The following NCKAP5 variants were observed in gnomAD, a reference collection of about 807,000 sequenced individuals.
NCKAP5 encodes nck-associated protein 5.
NCKAP5 carries 92 observed loss-of-function variants against 167.0 expected under a neutral mutation model. That is an observed-to-expected ratio of 0.55 (90% CI 0.47 to 0.66). The LOEUF is 0.66. NCKAP5 is among the 30% of genes least tolerant of loss of function. The pLI, the probability that NCKAP5 is intolerant of heterozygous loss-of-function variation, is 0.00. For synonymous variants in NCKAP5, 891 were observed against 877.4 expected (o/e 1.02, Z -0.27); for missense variants, 2,378 against 2,315.0 (o/e 1.03, Z -0.56).
At chr2:132,874,576 T>C (rs1248237212) in intron 9 of NCKAP5, among the ~76,000 whole-genome samples, 1 of 152,200 alleles carries the variant, frequency 6.6e-6, no homozygotes, top group Non-Finnish European at 1.5e-5. Context: ...TCTATTTTTG[T>C]CTATTTCTGA....
intron 5 of NCKAP5, among the ~76,000 whole-genome samples, chr2:133,189,297 C>T (rs1201515463): frequency 6.6e-6 from 1 of 151,074 alleles, no homozygotes; most frequent in Admixed American, 6.6e-5. Flanking sequence ...AATTAATAGC[C>T]TACCAACCAA....
intron 3 of NCKAP5, among the ~76,000 whole-genome samples, chr2:133,325,334 C>A (rs1682360180): frequency 6.6e-6 from 1 of 152,120 alleles, no homozygotes. Flanking sequence ...CTAGATGACT[C>A]CAGCTTATGA....
intron 16 of NCKAP5, among the ~76,000 whole-genome samples, chr2:132,770,783 G>C (rs892010087): frequency 6.6e-5 from 10 of 152,290 alleles, no homozygotes; most frequent in Admixed American, 6.5e-5. Flanking sequence ...AAAATGAAGT[G>C]TTGGCCAATG....
rs966527204 is a variant in NCKAP5 at position 132,979,734 on chromosome 2, C to G, written c.429+14418G>C. ...CTCTGCTGTCTCTCATCAGAGAACCCACAGACCAAAGGATACTCCCATTTA... is the reference window on the plus strand; with the variant it reads ...CTCTGCTGTCTCTCATCAGAGAACCGACAGACCAAAGGATACTCCCATTTA... On this transcript the variant is annotated intron_variant, in intron 7 of 19. Transcript: ENST00000409261. Among the ~76,000 whole-genome samples the G allele has an allele frequency of 1.3e-5, 2 of 152,182 alleles. 1 individual carries two copies. Among genetic ancestry groups the G allele is most frequent in the South Asian group, 4.1e-4 (2 of 4,836 alleles).
At chr2:132,692,526 C>CT (rs374718276) in intron 19 of NCKAP5, among the ~76,000 whole-genome samples, 29 of 149,498 alleles carry the variant, frequency 1.9e-4, no homozygotes, top group East Asian at 5.9e-4. Flanking sequence ...GGGACCTTGT[C>CT]TTTTTTTTTT....
chr2:133,236,039 T>A (rs965536785), intron 4 of NCKAP5, among the ~76,000 whole-genome samples: 1 of 128,428 alleles, frequency 7.8e-6, no homozygotes, highest in Admixed American at 9.0e-5. Context: ...GCCCTGCAAC[T>A]TGGGTGACAA....
intron 3 of NCKAP5, among the ~76,000 whole-genome samples, chr2:133,350,315 AG>A (rs1684275101): frequency 6.6e-6 from 1 of 152,230 alleles, no homozygotes; most frequent in Admixed American, 6.5e-5. Context: ...CAGGAAGCTG[AG>A]GTGGGAGGAT....
chr2:132,708,862 T>G (rs1211761325), intron 19 of NCKAP5, among the ~76,000 whole-genome samples: 8 of 152,166 alleles, frequency 5.3e-5, no homozygotes, highest in Non-Finnish European at 1.2e-4. Context: ...TTTTTTGGGT[T>G]GTATTTTGGC....
intron 19 of NCKAP5, among the ~76,000 whole-genome samples, chr2:132,725,155 T>C (rs925234714): frequency 1.3e-5 from 2 of 152,186 alleles, no homozygotes; most frequent in Admixed American, 6.5e-5. Context: ...CTACTGCCAA[T>C]TCTGGCTCAA....
At position 132,785,149 on chromosome 2, in the gene NCKAP5, C is replaced by A; in HGVS notation, c.1662G>T (p.Val554=). The stretch of plus-strand genomic sequence containing the variant: ...TCTCCCTCTGTACCTGAGGCGTCTG[C>A]ACACTTGGGCACAGCTTCATCTCTA... The part of the protein sequence containing the change: ...CPLEMKLCPS[V]QTPQVQRERG... Residue 554 remains valine, a synonymous_variant, in exon 14 of 20, where the codon GTG becomes GTT. Transcript: ENST00000409261. 6.2e-7 allele frequency: 1 copy of A among 1,605,096 alleles called. No homozygotes were observed. Among genetic ancestry groups the A allele is most frequent in the Non-Finnish European group, 8.5e-7 (1 of 1,176,898 alleles).
At chr2:133,529,058 G>C (rs966743188) in intron 2 of NCKAP5, among the ~76,000 whole-genome samples, 1 of 152,156 alleles carries the variant, frequency 6.6e-6, no homozygotes, top group East Asian at 1.9e-4. Flanking sequence ...TTTCTCTTGT[G>C]AGAAAGTTTC....
Position 133,272,428 on chromosome 2 carries a change from C to A in NCKAP5, c.143+30609G>T, listed in dbSNP as rs187568825. ...AAAAATAGGACTACTTTACTATGAG[C>A]AATTTTATCTGTTTTCAAACTTATT... On this transcript the variant is annotated intron_variant, in intron 4 of 19. Coordinates refer to ENST00000409261, the MANE Select transcript of NCKAP5 (RefSeq NM_207363.3). 1.2e-3 allele frequency among the ~76,000 whole-genome samples: 188 copies of A among 152,102 alleles called. 1 individual carries two copies. In the East Asian group the frequency reaches 0.025, roughly 21 times the overall value.
chr2:132,924,978 G>A (rs1477337135), intron 8 of NCKAP5, among the ~76,000 whole-genome samples: 1 of 152,132 alleles, frequency 6.6e-6, no homozygotes, highest in African/African-American at 2.4e-5. Context: ...GGCACCTTGT[G>A]ATTTAGAATT....
At chr2:133,503,050 C>A (rs1682674964) in intron 3 of NCKAP5, among the ~76,000 whole-genome samples, 1 of 152,110 alleles carries the variant, frequency 6.6e-6, no homozygotes, top group African/African-American at 2.4e-5. Context: ...AGGGGTGAGC[C>A]AGTTTAGGTG....
chr2:133,348,897 T>A lies in NCKAP5; in HGVS notation c.70-45787A>T, dbSNP rs146798295. ...AAAATTCCCAAAGACATAAAGCAAA[T>A]AAGGAAAATAAGTAAATACCAAAAT... On this transcript the variant is annotated intron_variant, in intron 3 of 19. Coordinates refer to ENST00000409261, the MANE Select transcript of NCKAP5 (RefSeq NM_207363.3). 7.8e-4 allele frequency among the ~76,000 whole-genome samples: 119 copies of A among 152,162 alleles called. 1 individual carries two copies. Among genetic ancestry groups the A allele is most frequent in the African/African-American group, 2.8e-3 (117 of 41,538 alleles).
the NCKAP5 span, among the ~76,000 whole-genome samples, chr2:133,577,807 AGAAT>A: frequency 1.6e-4 from 24 of 152,312 alleles, no homozygotes; most frequent in African/African-American, 5.5e-4. Flanking sequence ...GGAACCATCC[AGAAT>A]GTCTCTGCTC....
At chr2:133,448,337 T>C (rs1448332223) in intron 3 of NCKAP5, among the ~76,000 whole-genome samples, 1 of 152,050 alleles carries the variant, frequency 6.6e-6, no homozygotes, top group African/African-American at 2.4e-5. Context: ...CTTTGAATCA[T>C]TCTGTAGCAT....
At position 133,238,556 on chromosome 2, in the gene NCKAP5, T is replaced by C. The variant is rs79536865; in HGVS notation, c.144-24777A>G. On this transcript the variant is annotated intron_variant, in intron 4 of 19. Coordinates refer to ENST00000409261, the MANE Select transcript of NCKAP5 (RefSeq NM_207363.3). Reference sequence around the variant, plus strand: ...TGCTTATTTTTTCTCACTCAGTCAGTACCATCCAGTACTTACTTACATTTG... The same window carrying C: ...TGCTTATTTTTTCTCACTCAGTCAGCACCATCCAGTACTTACTTACATTTG... 9.2e-5 allele frequency among the ~76,000 whole-genome samples: 14 copies of C among 152,318 alleles called. No individual in the cohort carries two copies. The East Asian group carries it at 2.5e-3, about 27-fold the overall frequency.
At chr2:133,252,244 TC>T (rs2088380372) in intron 4 of NCKAP5, among the ~76,000 whole-genome samples, 1 of 152,016 alleles carries the variant, frequency 6.6e-6, no homozygotes, top group East Asian at 1.9e-4. Context: ...AGGAGAGAGT[TC>T]CTGGTAGTAA....
Sources: allele counts gnomAD v4.1 joint callset (sites outside exome capture counted in the v4.1 genomes callset), GRCh38; gene constraint gnomAD v4.1.1; transcripts MANE v1.5; gene names NCBI Gene and HGNC (gene_info 2026-07-23, HGNC 2026-07-21).